Variants in EXOC4 observed in about 807,000 individuals in gnomAD.
EXOC4 encodes the protein SEC8-like 1.
A neutral mutation model predicts 107.2 loss-of-function variants in EXOC4; 71 were observed. The observed-to-expected ratio is 0.66, with a 90% CI of 0.55 to 0.81. EXOC4 has a LOEUF of 0.81. EXOC4 is among the 30% of genes least tolerant of loss of function. The pLI is 0.00. For synonymous variants in EXOC4, 456 were observed against 441.2 expected (o/e 1.03, Z -0.42); for missense variants, 1,108 against 1,189.6 (o/e 0.93, Z 1.01).
chr7:133,964,544 G>A (rs1336268932), intron 14 of EXOC4, among the ~76,000 whole-genome samples: 1 of 152,004 alleles, frequency 6.6e-6, no homozygotes, highest in African/African-American at 2.4e-5. Flanking sequence ...TGTTCTCATT[G>A]TTCAACTCCC....
intron 3 of EXOC4, among the ~76,000 whole-genome samples, chr7:133,298,689 T>C (rs927255242): frequency 6.6e-6 from 1 of 152,216 alleles, no homozygotes; most frequent in Non-Finnish European, 1.5e-5. Flanking sequence ...TGAACAGATC[T>C]GTTACAAGGC....
intron 10 of EXOC4, among the ~76,000 whole-genome samples, chr7:133,751,064 A>G (rs1442755106): frequency 6.6e-6 from 1 of 152,176 alleles, no homozygotes; most frequent in Non-Finnish European, 1.5e-5. Context: ...GGTTTCCTGA[A>G]TCCTTTTGAG....
chr7:133,488,125 C>A (rs879472535), intron 9 of EXOC4, among the ~76,000 whole-genome samples: 3 of 151,968 alleles, frequency 2.0e-5, no homozygotes, highest in Non-Finnish European at 4.4e-5. Context: ...AAGTTTGGAT[C>A]CTTTTAGGAA....
the EXOC4 span, among the ~76,000 whole-genome samples, chr7:134,096,965 G>A: frequency 1.3e-5 from 2 of 151,838 alleles, no homozygotes; most frequent in Admixed American, 6.6e-5. Flanking sequence ...CTGTTTTCAA[G>A]TTGACTTATA....
chr7:134,007,498 T>C (rs115141812), intron 16 of EXOC4, among the ~76,000 whole-genome samples, 178 bp from the exon 17 acceptor site: 1,802 of 152,308 alleles, frequency 0.012, 26 homozygotes, highest in African/African-American at 0.04. Context: ...ACTAGGACAA[T>C]GTAGAAATAC....
At chr7:133,714,060 CA>C (rs1794950308) in intron 10 of EXOC4, among the ~76,000 whole-genome samples, 1 of 152,056 alleles carries the variant, frequency 6.6e-6, no homozygotes, top group Non-Finnish European at 1.5e-5. Context: ...TGGATGTGGG[CA>C]CAACCACTGT....
chr7:133,298,890 T>A (rs1305724440), intron 3 of EXOC4, among the ~76,000 whole-genome samples: 1 of 152,152 alleles, frequency 6.6e-6, no homozygotes, highest in African/African-American at 2.4e-5. Context: ...GTAAAAAGAT[T>A]AGCAATGACT....
intron 10 of EXOC4, among the ~76,000 whole-genome samples, chr7:133,706,586 A>G (rs958964607): frequency 3.3e-5 from 5 of 152,374 alleles, no homozygotes; most frequent in East Asian, 1.9e-4. Context: ...TTAATAATAC[A>G]TTTTATTGCA....
chr7:133,258,910 A>G (rs891642284), intron 1 of EXOC4, among the ~76,000 whole-genome samples: 1 of 152,218 alleles, frequency 6.6e-6, no homozygotes, highest in Admixed American at 6.5e-5. Context: ...TAAAACATTT[A>G]TTAGATTAAA....
chr7:133,378,729 G>C (rs1017043641), intron 7 of EXOC4, among the ~76,000 whole-genome samples: 1 of 151,812 alleles, frequency 6.6e-6, no homozygotes, highest in Non-Finnish European at 1.5e-5. Flanking sequence ...GCCAGTTGAG[G>C]GGATAAAATT....
chr7:134,069,392 T>TA (rs1257262163), downstream of EXOC4, among the ~76,000 whole-genome samples: 1 of 137,614 alleles, frequency 7.3e-6, no homozygotes, highest in Admixed American at 7.2e-5. Context: ...TCTCCGCCTC[T>TA]TCTCCCCCTA....
At chr7:133,656,406 T>C (rs1803300154) in intron 10 of EXOC4, among the ~76,000 whole-genome samples, 1 of 152,148 alleles carries the variant, frequency 6.6e-6, no homozygotes, top group Non-Finnish European at 1.5e-5. Context: ...TCTGTGTGTG[T>C]GTGTATATAT....
At chr7:133,569,662 C>A (rs1800978297) in intron 9 of EXOC4, among the ~76,000 whole-genome samples, 1 of 152,114 alleles carries the variant, frequency 6.6e-6, no homozygotes, top group Non-Finnish European at 1.5e-5. Flanking sequence ...GTAAGACACA[C>A]ACACATAATG....
chr7:133,643,080 TTGTC>T (rs952747196), intron 10 of EXOC4, among the ~76,000 whole-genome samples: 20 of 152,294 alleles, frequency 1.3e-4, no homozygotes, highest in Admixed American at 1.2e-3. Context: ...ACCTGGCACA[TTGTC>T]TGGAGATGAC....
chr7:133,986,162 G>A (rs902727866), intron 14 of EXOC4, among the ~76,000 whole-genome samples: 4 of 152,186 alleles, frequency 2.6e-5, no homozygotes, highest in Admixed American at 1.3e-4. Context: ...ATATCAATGA[G>A]CATGGTGGTT....
chr7:133,375,120 A>G lies in EXOC4; in HGVS notation c.1182+118A>G, dbSNP rs570828136. On this transcript the variant is annotated intron_variant, in intron 7 of 17. Coordinates refer to ENST00000253861, the MANE Select transcript of EXOC4 (RefSeq NM_021807.4). ...TCTTAAGAGTCATAAACAGGGTGAG[A>G]AAGTAATGCTTGCATTTGAATGTGA... 2.7e-5 allele frequency: 21 copies of G among 786,708 alleles called. No homozygotes were observed. The Admixed American group carries it at 5.5e-4, about 21-fold the overall frequency. The allele number at this position is 786,708 out of a possible 1,614,324, so 48.7% of individuals were successfully genotyped here.
At chr7:133,928,016 G>A (rs1800090128) in intron 13 of EXOC4, among the ~76,000 whole-genome samples, 1 of 152,152 alleles carries the variant, frequency 6.6e-6, no homozygotes. Flanking sequence ...TAATGCTAGT[G>A]TATTTGGACA....
At position 134,005,074 on chromosome 7, in the gene EXOC4, C is replaced by G. The variant is rs758604905; in HGVS notation, c.2511C>G (p.Phe837Leu). 6.2e-7 allele frequency: 1 copy of G among 1,612,986 alleles called. No individual in the cohort carries two copies. The highest frequency in any genetic ancestry group is 8.5e-7 in the Non-Finnish European group (1 of 1,179,372). ...GCGCCAGCCTTCAGCAGCACAAGTT[C>G]CAGTATATCTTCGAAGGTCAGACCC... is the stretch of plus-strand genomic sequence containing the variant. ...AMSASLQQHK[F>L]QYIFEGLGHL... Residue 837 changes from phenylalanine to leucine, a missense_variant, in exon 16 of 18, where the codon TTC becomes TTG. Transcript: ENST00000253861.
At chr7:134,075,955 C>A in the EXOC4 span, among the ~76,000 whole-genome samples, 315 of 152,308 alleles carry the variant, frequency 2.1e-3, no homozygotes, top group Middle Eastern at 0.01. Flanking sequence ...AGAAATACAT[C>A]TTTGTTGTTT....
Sources: gnomAD v4.1 joint callset for allele counts (sites outside exome capture counted in the v4.1 genomes callset) on GRCh38, gnomAD v4.1.1 for gene constraint, MANE v1.5 for transcripts, NCBI Gene and HGNC (gene_info 2026-07-23, HGNC 2026-07-21) for gene names.